KCND2: variants seen among roughly 807,000 people sequenced by gnomAD.
The protein encoded by KCND2 is A-type voltage-gated potassium channel KCND2.
Under a neutral mutation model 54.4 loss-of-function variants are expected in KCND2, and 16 were observed. The observed-to-expected ratio is 0.29, with a 90% CI of 0.20 to 0.45. The LOEUF (loss-of-function observed/expected upper bound fraction) is 0.45. Among genes scored for constraint, KCND2 ranks in the 20% least tolerant of loss-of-function variants. The pLI is 1.00. For synonymous variants in KCND2, 317 were observed against 310.7 expected, an observed-to-expected ratio of 1.02 and a Z score of -0.21; for missense variants, 486 against 824.2, an observed-to-expected ratio of 0.59 and a Z score of 5.02.
intron 1 of KCND2, among the ~76,000 whole-genome samples, chr7:120,679,266 G>A (rs1481937807): frequency 6.6e-6 from 1 of 151,572 alleles, no homozygotes; most frequent in African/African-American, 2.4e-5. Context: ...GCTTCTATAT[G>A]CTATTTCCAA....
At chr7:120,587,859 C>T (rs537490220) in intron 1 of KCND2, among the ~76,000 whole-genome samples, 4 of 152,172 alleles carry the variant, frequency 2.6e-5, no homozygotes, top group South Asian at 4.2e-4. Flanking sequence ...AATATAATAG[C>T]GTTCATAAAT....
chr7:120,298,588 C>T (rs1018318077), intron 1 of KCND2, among the ~76,000 whole-genome samples: 1 of 152,104 alleles, frequency 6.6e-6, no homozygotes, highest in African/African-American at 2.4e-5. Flanking sequence ...TGTTGAGAAC[C>T]AGTCACAAAA....
chr7:120,301,014 A>G (rs994026877), intron 1 of KCND2, among the ~76,000 whole-genome samples: 18 of 152,100 alleles, frequency 1.2e-4, no homozygotes, highest in African/African-American at 4.1e-4. Context: ...CAAAAGTTAT[A>G]ATGCAAAGTT....
intron 1 of KCND2, among the ~76,000 whole-genome samples, chr7:120,375,525 C>CA (rs1431155875): frequency 1.3e-5 from 2 of 151,808 alleles, no homozygotes; most frequent in African/African-American, 4.8e-5. Context: ...CAATATGCTG[C>CA]ATGAGTTTAT....
At chr7:120,675,530 C>T (rs1244561467) in intron 1 of KCND2, among the ~76,000 whole-genome samples, 1 of 152,038 alleles carries the variant, frequency 6.6e-6, no homozygotes, top group African/African-American at 2.4e-5. Flanking sequence ...GCCACTGCAC[C>T]CTGCCAAGTT....
At chr7:120,367,875 G>T (rs1054601988) in intron 1 of KCND2, among the ~76,000 whole-genome samples, 24 of 152,038 alleles carry the variant, frequency 1.6e-4, no homozygotes, top group Non-Finnish European at 2.2e-4. Context: ...TCCTATCAAG[G>T]TGACTAGGGA....
At chr7:120,604,857 T>TA (rs1263915030) in intron 1 of KCND2, among the ~76,000 whole-genome samples, 1 of 152,186 alleles carries the variant, frequency 6.6e-6, no homozygotes. Context: ...CATTCTGGTA[T>TA]ACCTTTGATG....
intron 1 of KCND2, among the ~76,000 whole-genome samples, chr7:120,291,755 G>A (rs1049894395): frequency 4.1e-4 from 62 of 151,972 alleles, no homozygotes; most frequent in African/African-American, 1.2e-3. Flanking sequence ...ACATGTTTAT[G>A]TTTTTATGAT....
intron 1 of KCND2, among the ~76,000 whole-genome samples, chr7:120,504,768 A>G (rs186746133): frequency 6.6e-6 from 1 of 151,956 alleles, no homozygotes; most frequent in East Asian, 1.9e-4. Context: ...CCAAAGCCTA[A>G]TTTCCAAAGA....
intron 1 of KCND2, among the ~76,000 whole-genome samples, chr7:120,613,029 A>C (rs1433379782): frequency 6.6e-6 from 1 of 152,044 alleles, no homozygotes; most frequent in Non-Finnish European, 1.5e-5. Context: ...ATATCCATAG[A>C]ATTTGGGAGA....
chr7:120,693,259 G>T (rs923901977), intron 1 of KCND2, among the ~76,000 whole-genome samples: 1 of 152,158 alleles, frequency 6.6e-6, no homozygotes, highest in Admixed American at 6.5e-5. Context: ...AAAAGGAAAA[G>T]ATATTAATAA....
rs371809632 is a variant in KCND2 at position 120,274,592 on chromosome 7, T to C, written c.-41T>C. 75 of 1,613,898 alleles carry C rather than the reference T, an allele frequency of 4.6e-5. No homozygotes were observed. The highest frequency in any genetic ancestry group is 6.3e-5 in the Non-Finnish European group (74 of 1,179,858). On this transcript the variant is annotated 5_prime_UTR_variant, in exon 1 of 6. Coordinates refer to ENST00000331113, the MANE Select transcript of KCND2 (RefSeq NM_012281.3). ...TTTTGGCTGCTTCGGTGACCCATTGTAGACGCCTCGTTACCCTTCTTCCTT... is the reference window on the plus strand; with the variant it reads ...TTTTGGCTGCTTCGGTGACCCATTGCAGACGCCTCGTTACCCTTCTTCCTT...
chr7:120,512,011 C>T (rs1330637632), intron 1 of KCND2, among the ~76,000 whole-genome samples: 1 of 152,052 alleles, frequency 6.6e-6, no homozygotes. Flanking sequence ...TTTGTCCTAA[C>T]CCGAATGTGT....
intron 1 of KCND2, among the ~76,000 whole-genome samples, chr7:120,652,502 TA>T (rs1287226887): frequency 3.3e-5 from 5 of 152,132 alleles, no homozygotes; most frequent in Admixed American, 2.6e-4. Context: ...TCCCCAACAA[TA>T]AAAAAGGAAT....
intron 4 of KCND2, 48 bp from the exon 5 acceptor site, chr7:120,745,732 T>A: frequency 1.2e-6 from 2 of 1,609,850 alleles, no homozygotes. Context: ...ATTTCGTTTT[T>A]AAAAATGTGC....
At chr7:120,396,529 G>C (rs1477232524) in intron 1 of KCND2, among the ~76,000 whole-genome samples, 1 of 151,892 alleles carries the variant, frequency 6.6e-6, no homozygotes, top group Non-Finnish European at 1.5e-5. Context: ...TAACTGACTT[G>C]AATTTTTCAC....
intron 1 of KCND2, among the ~76,000 whole-genome samples, chr7:120,488,718 A>G (rs1802729171): frequency 1.3e-5 from 2 of 152,084 alleles, no homozygotes; most frequent in South Asian, 4.1e-4. Context: ...GGTTTAAAAT[A>G]CATCCTTTCC....
intron 1 of KCND2, among the ~76,000 whole-genome samples, chr7:120,323,032 A>G (rs780285608): frequency 1.3e-5 from 2 of 152,146 alleles, no homozygotes; most frequent in Non-Finnish European, 2.9e-5. Context: ...CAGAACGAGC[A>G]GGTTTGTTAC....
chr7:120,460,804 CA>C (rs1380374417), intron 1 of KCND2, among the ~76,000 whole-genome samples: 1 of 152,020 alleles, frequency 6.6e-6, no homozygotes, highest in African/African-American at 2.4e-5. Flanking sequence ...TCTATCTAAA[CA>C]AAAAGAAACG....
Sources: gnomAD v4.1 joint callset for allele counts (sites outside exome capture counted in the v4.1 genomes callset) on GRCh38, gnomAD v4.1.1 for gene constraint, MANE v1.5 for transcripts, NCBI Gene and HGNC (gene_info 2026-07-23, HGNC 2026-07-21) for gene names.